The following DRC11 variants were observed in gnomAD, a reference collection of about 807,000 sequenced individuals.
DRC11 encodes the protein IQ and AAA domain-containing protein 1.
chr2:236,396,630 C>T, the DRC11 span, among the ~76,000 whole-genome samples: 2 of 152,028 alleles, frequency 1.3e-5, no homozygotes, highest in Admixed American at 6.6e-5. Context: ...TAATGCTTAA[C>T]GTTTGCTTGT....
At chr2:236,489,750 C>T in the DRC11 span, among the ~76,000 whole-genome samples, 1 of 152,050 alleles carries the variant, frequency 6.6e-6, no homozygotes, top group Non-Finnish European at 1.5e-5. Context: ...CGGTGAGACC[C>T]CGTCTCTAAA....
At chr2:236,487,843 T>C in the DRC11 span, among the ~76,000 whole-genome samples, 1 of 152,232 alleles carries the variant, frequency 6.6e-6, no homozygotes, top group East Asian at 1.9e-4. Context: ...GTTAATGGTT[T>C]CCCCAGGGTA....
At chr2:236,457,563 T>C in the DRC11 span, among the ~76,000 whole-genome samples, 22 of 152,190 alleles carry the variant, frequency 1.4e-4, no homozygotes, top group Admixed American at 1.4e-3. This position sits in a 1 kb window ranked among gnomAD's most constrained non-coding sequence, Gnocchi z 4.7. Flanking sequence ...GGTCTGTAAA[T>C]GGTATCATAT....
the DRC11 span, among the ~76,000 whole-genome samples, chr2:236,461,753 C>G: frequency 1.3e-5 from 2 of 152,296 alleles, no homozygotes; most frequent in African/African-American, 4.8e-5. The surrounding 1 kb of genome is among the most constrained non-coding windows in gnomAD (Gnocchi z 4.0). Flanking sequence ...AACTGACGCA[C>G]AGAGAAGCTA....
At chr2:236,408,835 G>A in the DRC11 span, 2 of 658,608 alleles carry the variant, frequency 3.0e-6, no homozygotes, top group African/African-American at 3.6e-5. The surrounding 1 kb of genome is among the most constrained non-coding windows in gnomAD (Gnocchi z 5.5). Flanking sequence ...CACCATGGCA[G>A]TGTCTCCACA....
At chr2:236,354,172 TG>T in the DRC11 span, among the ~76,000 whole-genome samples, 1 of 122,718 alleles carries the variant, frequency 8.1e-6, no homozygotes, top group South Asian at 2.3e-4. Context: ...GGAGGGGACA[TG>T]CGTGTATGTC....
the DRC11 span, among the ~76,000 whole-genome samples, chr2:236,464,988 C>G: frequency 1.3e-5 from 2 of 152,114 alleles, no homozygotes; most frequent in Non-Finnish European, 2.9e-5. Flanking sequence ...AGCCTTGAGC[C>G]AATTAAGTTT....
the DRC11 span, chr2:236,392,527 T>G: frequency 2.4e-6 from 1 of 415,842 alleles, no homozygotes; most frequent in Admixed American, 4.0e-5. The surrounding 1 kb of genome is among the most constrained non-coding windows in gnomAD (Gnocchi z 5.1). Flanking sequence ...ACAGATGAGA[T>G]TCATATATGT....
chr2:236,351,973 G>A, the DRC11 span, among the ~76,000 whole-genome samples: 2 of 152,162 alleles, frequency 1.3e-5, no homozygotes, highest in African/African-American at 2.4e-5. This position sits in a 1 kb window ranked among gnomAD's most constrained non-coding sequence, Gnocchi z 7.3. Context: ...AAGGGCCTCC[G>A]AGGCCACAGC....
the DRC11 span, chr2:236,368,145 G>T: frequency 9.3e-7 from 1 of 1,070,004 alleles, no homozygotes; most frequent in Non-Finnish European, 1.4e-6. Flanking sequence ...ACCAGCAAGC[G>T]GTGCAAGCTG....
chr2:236,355,893 G>A, the DRC11 span, among the ~76,000 whole-genome samples: 4 of 152,068 alleles, frequency 2.6e-5, no homozygotes, highest in Non-Finnish European at 5.9e-5. Context: ...CACCTCTGCT[G>A]ACACCTGGAC....
the DRC11 span, among the ~76,000 whole-genome samples, chr2:236,474,576 C>A: frequency 6.6e-6 from 1 of 152,118 alleles, no homozygotes; most frequent in Admixed American, 6.5e-5. Flanking sequence ...TCATGTTAAA[C>A]TTAGACTGTA....
chr2:236,395,231 C>G, the DRC11 span, among the ~76,000 whole-genome samples: 2 of 151,928 alleles, frequency 1.3e-5, no homozygotes, highest in Admixed American at 1.3e-4. Context: ...GTGGCCAGCC[C>G]AAAACAGGTG....
At chr2:236,408,660 T>C in the DRC11 span, 1 of 720,776 alleles carries the variant, frequency 1.4e-6, no homozygotes. This position sits in a 1 kb window ranked among gnomAD's most constrained non-coding sequence, Gnocchi z 5.5. Context: ...ATCCATATTC[T>C]GCCATTTCTT....
At chr2:236,314,951 AT>A in the DRC11 span, among the ~76,000 whole-genome samples, 1 of 152,208 alleles carries the variant, frequency 6.6e-6, no homozygotes, top group Non-Finnish European at 1.5e-5. This position sits in a 1 kb window ranked among gnomAD's most constrained non-coding sequence, Gnocchi z 4.5. Context: ...CTGATTATAA[AT>A]TCCTTTAGAA....
At chr2:236,382,183 C>T in the DRC11 span, among the ~76,000 whole-genome samples, 1 of 152,138 alleles carries the variant, frequency 6.6e-6, no homozygotes, top group East Asian at 1.9e-4. Context: ...GTTACTCTGG[C>T]ACTACTTATT....
chr2:236,424,156 C>T, the DRC11 span, among the ~76,000 whole-genome samples: 1 of 151,956 alleles, frequency 6.6e-6, no homozygotes, highest in Non-Finnish European at 1.5e-5. Flanking sequence ...ACATATGTAA[C>T]TAACCTGCAC....
At chr2:236,493,602 A>T in the DRC11 span, among the ~76,000 whole-genome samples, 1 of 152,158 alleles carries the variant, frequency 6.6e-6, no homozygotes, top group African/African-American at 2.4e-5. Flanking sequence ...ATATCACCAA[A>T]AGCACATCCA....
chr2:236,396,111 C>G, the DRC11 span, among the ~76,000 whole-genome samples: 1 of 152,024 alleles, frequency 6.6e-6, no homozygotes, highest in Non-Finnish European at 1.5e-5. Context: ...TCTCATGACA[C>G]TTTTGCGCAG....
Sources: gnomAD v4.1 joint callset for allele counts (sites outside exome capture counted in the v4.1 genomes callset) on GRCh38, gnomAD v4.1.1 for gene constraint, Gnocchi (gnomAD v3.1) non-coding constraint, MANE v1.5 for transcripts, NCBI Gene and HGNC (gene_info 2026-07-23, HGNC 2026-07-21) for gene names.